The following DOCK1 variants were observed in gnomAD, a reference collection of about 807,000 sequenced individuals.
The protein encoded by DOCK1 is dedicator of cytokinesis 1.
DOCK1 carries 138 observed loss-of-function variants against 262.7 expected under a neutral mutation model. The ratio of observed to expected loss-of-function variants is 0.53; its 90% confidence interval spans 0.46 to 0.61. The LOEUF is 0.61. DOCK1 is among the 20% of genes least tolerant of loss of function. The pLI is 0.00. For synonymous variants in DOCK1, 866 were observed against 867.4 expected, an observed-to-expected ratio of 1.00 and a Z score of 0.03; for missense variants, 1,908 against 2,370.7, an observed-to-expected ratio of 0.80 and a Z score of 4.05.
chr10:127,000,800 G>A (rs1396562056), intron 10 of DOCK1: 2 of 158,002 alleles, frequency 1.3e-5, no homozygotes, highest in South Asian at 1.7e-4. Flanking sequence ...TTCTTCCTCC[G>A]CCATGTTGGT....
intron 1 of DOCK1, among the ~76,000 whole-genome samples, chr10:126,922,827 AGGACCG>A (rs1274705629): frequency 6.6e-6 from 1 of 152,200 alleles, no homozygotes; most frequent in Non-Finnish European, 1.5e-5. Context: ...AAAAAAGATG[AGGACCG>A]GGTACGGTGG....
chr10:126,924,944 T>C (rs1029279388), intron 1 of DOCK1, among the ~76,000 whole-genome samples: 5 of 152,268 alleles, frequency 3.3e-5, no homozygotes, highest in African/African-American at 1.2e-4. Flanking sequence ...AAACTCAGTA[T>C]TTGACTTACC....
intron 12 of DOCK1, among the ~76,000 whole-genome samples, chr10:127,018,013 T>A (rs1399140814): frequency 6.6e-6 from 1 of 152,166 alleles, no homozygotes; most frequent in African/African-American, 2.4e-5. Context: ...CCCACCGGGT[T>A]TACTGCCCTC....
intron 23 of DOCK1, among the ~76,000 whole-genome samples, chr10:127,095,671 G>GTGTGTT (rs1448393333): frequency 2.0e-5 from 3 of 151,900 alleles, no homozygotes; most frequent in African/African-American, 7.3e-5. Flanking sequence ...CTGTGTGTGT[G>GTGTGTT]TGTGTGTGTG....
rs537282155 is a variant in DOCK1, at chr10:127,364,150, C to T, written c.3432+1938C>T. 1.4e-4 allele frequency among the ~76,000 whole-genome samples: 21 copies of T among 152,224 alleles called. No individual in the cohort carries two copies. The South Asian group carries it at 3.1e-3, about 23-fold the overall frequency. On this transcript the variant is annotated intron_variant, in intron 33 of 51. Coordinates refer to ENST00000623213, the MANE Select transcript of DOCK1 (RefSeq NM_001290223.2). Reference sequence around the variant, plus strand: ...GTGTCTGCAGGACCATGGGGCCCAACGCTGCATACAAACCTGGGCATGGCC... The same window carrying T: ...GTGTCTGCAGGACCATGGGGCCCAATGCTGCATACAAACCTGGGCATGGCC...
At chr10:127,285,485 C>T (rs1362444568) in intron 29 of DOCK1, among the ~76,000 whole-genome samples, 2 of 152,340 alleles carry the variant, frequency 1.3e-5, no homozygotes, top group East Asian at 1.9e-4. Flanking sequence ...GGCCTGTGCC[C>T]ATATCTTCTC....
chr10:127,228,582 T>C (rs1439241992), intron 27 of DOCK1, among the ~76,000 whole-genome samples: 1 of 152,190 alleles, frequency 6.6e-6, no homozygotes, highest in Admixed American at 6.5e-5. Context: ...GTGACATGCC[T>C]GAGACACATG....
intron 23 of DOCK1, among the ~76,000 whole-genome samples, chr10:127,065,721 A>G (rs558345198): frequency 1.3e-5 from 2 of 152,198 alleles, no homozygotes; most frequent in East Asian, 1.9e-4. Flanking sequence ...TCTGCCGCAC[A>G]TCACCTACCT....
At chr10:127,260,787 G>C (rs1259085358) in intron 29 of DOCK1, among the ~76,000 whole-genome samples, 1 of 131,832 alleles carries the variant, frequency 7.6e-6, no homozygotes, top group Non-Finnish European at 1.6e-5. Context: ...GTGGGTGTGT[G>C]TGTGTACCCG....
At chr10:126,919,820 T>A (rs1178978238) in intron 1 of DOCK1, among the ~76,000 whole-genome samples, 1 of 152,226 alleles carries the variant, frequency 6.6e-6, no homozygotes, top group Non-Finnish European at 1.5e-5. Context: ...ATCCTGTTGC[T>A]TTCTCTCTTC....
chr10:127,137,568 A>T, intron 27 of DOCK1: 1 of 347,010 alleles, frequency 2.9e-6, no homozygotes, highest in Non-Finnish European at 5.2e-6. Context: ...GAAAATTTTT[A>T]CTTATCATCT....
Position 127,373,881 on chromosome 10 carries a change from G to C in DOCK1, c.3518+15G>C. 1.3e-6 allele frequency: 2 copies of C among 1,594,296 alleles called. No homozygotes were observed. Among genetic ancestry groups the C allele is most frequent in the Non-Finnish European group, 1.7e-6 (2 of 1,169,296 alleles). ...TTTGATAAAATGTAAGTGTTGATTA[G>C]CAGTGGGATTTATGTCTGAGAGATA... On this transcript the variant is annotated intron_variant, in intron 34 of 51. Transcript: ENST00000623213.
intron 10 of DOCK1, among the ~76,000 whole-genome samples, chr10:127,005,477 G>C (rs190250205): frequency 6.6e-6 from 1 of 152,140 alleles, no homozygotes; most frequent in African/African-American, 2.4e-5. Flanking sequence ...TGACTTCTGC[G>C]TGTCTGTGTT....
In DOCK1 at chr10:126,941,547, G is replaced by C. The variant is rs1233321036; in HGVS notation, c.47-29155G>C. Among the ~76,000 whole-genome samples, 8 of 152,280 alleles carry C rather than the reference G, an allele frequency of 5.3e-5. No homozygotes were observed. The East Asian group carries it at 5.8e-4, about 11-fold the overall frequency. ...CAAGGCGGGCGGATCACGAGGTCAGGAGATCGAGACCATCCTGGCTAACAC... is the reference window on the plus strand; with the variant it reads ...CAAGGCGGGCGGATCACGAGGTCAGCAGATCGAGACCATCCTGGCTAACAC... On this transcript the variant is annotated intron_variant, in intron 1 of 51. Coordinates refer to ENST00000623213, the MANE Select transcript of DOCK1 (RefSeq NM_001290223.2).
At chr10:127,090,115 C>T (rs1355980727) in intron 23 of DOCK1, among the ~76,000 whole-genome samples, 1 of 152,070 alleles carries the variant, frequency 6.6e-6, no homozygotes, top group African/African-American at 2.4e-5. Context: ...GGATGCTTCT[C>T]CTTTCTGGCT....
At chr10:127,145,840 A>G (rs2051772407) in intron 27 of DOCK1, 2 of 353,732 alleles carry the variant, frequency 5.7e-6, no homozygotes, top group Admixed American at 7.3e-5. Flanking sequence ...TTCTCATCAC[A>G]CACGGAAACC....
intron 33 of DOCK1, among the ~76,000 whole-genome samples, chr10:127,366,717 G>A (rs1316308881): frequency 6.6e-6 from 1 of 152,180 alleles, no homozygotes; most frequent in African/African-American, 2.4e-5. Context: ...TGGCACATTG[G>A]TGCAGGGTTG....
Position 126,977,342 on chromosome 10 carries a change from A to T in DOCK1, c.131-606A>T, listed in dbSNP as rs182700411. ...TTTCTTTCTCTCGCCACTTGGAAGGAGCGAGAAGTGGAGCCTGGGCCAAAC... is the reference window on the plus strand; with the variant it reads ...TTTCTTTCTCTCGCCACTTGGAAGGTGCGAGAAGTGGAGCCTGGGCCAAAC... On this transcript the variant is annotated intron_variant, in intron 2 of 51. Transcript: ENST00000623213. Among the ~76,000 whole-genome samples the T allele has an allele frequency of 5.3e-4, 80 of 152,254 alleles. No homozygotes were observed. The South Asian group carries it at 9.9e-3, about 19-fold the overall frequency.
intron 27 of DOCK1, among the ~76,000 whole-genome samples, chr10:127,223,401 A>G (rs1384880056): frequency 6.6e-6 from 1 of 152,150 alleles, no homozygotes; most frequent in African/African-American, 2.4e-5. Context: ...TGTACCTTCA[A>G]TTTCTACTTA....
Sources: allele counts gnomAD v4.1 joint callset (sites outside exome capture counted in the v4.1 genomes callset), GRCh38; gene constraint gnomAD v4.1.1; transcripts MANE v1.5; gene names NCBI Gene and HGNC (gene_info 2026-07-23, HGNC 2026-07-21).